The following DCHS2 variants were observed in gnomAD, a reference collection of about 807,000 sequenced individuals.
The protein encoded by DCHS2 is protocadherin-23.
Under a neutral mutation model 182.4 loss-of-function variants are expected in DCHS2, and 142 were observed. That is an observed-to-expected ratio of 0.78 (90% CI 0.68 to 0.89). The LOEUF is 0.89. DCHS2 is among the 40% of genes least tolerant of loss of function. DCHS2 has a pLI of 0.00. For synonymous variants in DCHS2, 1,740 were observed against 1,663.3 expected (o/e 1.05, Z -1.12); for missense variants, 4,319 against 4,198.6 (o/e 1.03, Z -0.79).
intron 2 of DCHS2, among the ~76,000 whole-genome samples, chr4:154,376,642 G>A (rs559611348): frequency 3.9e-5 from 6 of 152,226 alleles, no homozygotes; most frequent in Admixed American, 6.5e-5. Flanking sequence ...AGAAAATAAT[G>A]GTATGTGTCT....
intron 3 of DCHS2, among the ~76,000 whole-genome samples, chr4:154,339,964 C>T (rs923704998): frequency 1.3e-5 from 2 of 152,062 alleles, no homozygotes; most frequent in African/African-American, 2.4e-5. Flanking sequence ...TTATGGGAAG[C>T]TCACTTTTTA....
In DCHS2 at chr4:154,335,009, T is replaced by C. The variant is rs1728725026; in HGVS notation, c.2572A>G (p.Ile858Val). The change falls in exon 4 of 20, where the codon ATT becomes GTT. Residue 858 changes from isoleucine (I) to valine (V), a missense_variant. By Grantham distance (29) the Ile-to-Val change is conservative. Coordinates refer to ENST00000357232, the MANE Select transcript of DCHS2 (RefSeq NM_001358235.2). ...AQDGGGLTAVINADVTIHIFQ... is the reference protein window; with the variant it reads ...AQDGGGLTAVVNADVTIHIFQ... Reference sequence around the variant, plus strand: ...ATGTGTATGGTGACATCGGCATTAATGACAGCTGTGAGCCCACCACCGTCT... The same window carrying C: ...ATGTGTATGGTGACATCGGCATTAACGACAGCTGTGAGCCCACCACCGTCT... 2 of 1,614,170 alleles carry C rather than the reference T, an allele frequency of 1.2e-6. No individual in the cohort carries two copies. The highest frequency in any genetic ancestry group is 1.7e-6 in the Non-Finnish European group (2 of 1,180,010).
intron 3 of DCHS2, among the ~76,000 whole-genome samples, chr4:154,351,941 AT>A (rs1729636629): frequency 6.6e-6 from 1 of 152,066 alleles, no homozygotes; most frequent in African/African-American, 2.4e-5. Flanking sequence ...GCTTTTAGGC[AT>A]TTTGCTATTT....
chr4:154,367,112 C>T (rs373943556), intron 2 of DCHS2, among the ~76,000 whole-genome samples: 13 of 152,146 alleles, frequency 8.5e-5, no homozygotes, highest in East Asian at 1.9e-4. Context: ...CCTGCTCAGC[C>T]GCAGCAAGGA....
At chr4:154,267,719 C>A (rs1188587789) in intron 14 of DCHS2, among the ~76,000 whole-genome samples, 1 of 151,954 alleles carries the variant, frequency 6.6e-6, no homozygotes, top group Non-Finnish European at 1.5e-5. Context: ...CGAAGCCTAG[C>A]TTTACGGCAA....
intron 14 of DCHS2, 137 bp downstream of exon 14, chr4:154,269,763 C>A: frequency 3.3e-6 from 3 of 913,810 alleles, no homozygotes; most frequent in Non-Finnish European, 4.8e-6. Context: ...CATAATTTTT[C>A]ATAGGCTAGC....
chr4:154,403,426 T>C (rs1235027393), intron 1 of DCHS2, among the ~76,000 whole-genome samples: 1 of 152,170 alleles, frequency 6.6e-6, no homozygotes, highest in Non-Finnish European at 1.5e-5. Flanking sequence ...AATTTTTCTC[T>C]TTTTTTCTAG....
intron 1 of DCHS2, among the ~76,000 whole-genome samples, chr4:154,445,825 A>C (rs1237987288): frequency 1.4e-5 from 2 of 145,796 alleles, no homozygotes; most frequent in African/African-American, 5.0e-5. Context: ...AAAAAAAAAA[A>C]CGAAAGAAAG....
rs1430318971 is a variant in DCHS2, at chr4:154,259,589, C to A, written c.6745G>T (p.Ala2249Ser). The A allele has an allele frequency of 6.2e-7, 1 of 1,613,652 alleles. No homozygotes were observed. Among genetic ancestry groups the A allele is most frequent in the South Asian group, 1.1e-5 (1 of 91,060 alleles). The part of the protein sequence containing the change: ...SPCFEQSIYQ[A>S]SVSESQLYNA... The stretch of plus-strand genomic sequence containing the variant: ...TAGAGTTGGCTTTCAGACACTGATG[C>A]CTGGTAAATGCTTTGTTCAAAGCAT... Residue 2249 changes from alanine (A) to serine (S), a missense_variant, in exon 15 of 20, where the codon GCA becomes TCA. Transcript: ENST00000357232.
chr4:154,361,986 G>C (rs1730145944), intron 3 of DCHS2, among the ~76,000 whole-genome samples: 1 of 152,258 alleles, frequency 6.6e-6, no homozygotes, highest in South Asian at 2.1e-4. Context: ...AAATCTCTAA[G>C]AGAGAATTCT....
chr4:154,464,340 A>G (rs1215553500), intron 1 of DCHS2, among the ~76,000 whole-genome samples: 1 of 152,200 alleles, frequency 6.6e-6, no homozygotes, highest in Non-Finnish European at 1.5e-5. Context: ...TTGATTACAC[A>G]AGATTCCTGA....
intron 1 of DCHS2, among the ~76,000 whole-genome samples, chr4:154,397,480 A>G (rs1731979782): frequency 6.6e-6 from 1 of 152,190 alleles, no homozygotes; most frequent in Non-Finnish European, 1.5e-5. Context: ...ATTGCATCAT[A>G]TTAAATAAAA....
In DCHS2 at chr4:154,234,797, G is replaced by T; in HGVS notation, c.9855C>A (p.Ala3285=). 1 of 1,613,956 alleles carries T rather than the reference G, an allele frequency of 6.2e-7. No individual in the cohort carries two copies. Among genetic ancestry groups the T allele is most frequent in the Non-Finnish European group, 8.5e-7 (1 of 1,179,912 alleles). The change falls in exon 20 of 20, where the codon GCC becomes GCA. Residue 3285 remains alanine, a synonymous_variant. Coordinates refer to ENST00000357232, the MANE Select transcript of DCHS2 (RefSeq NM_001358235.2). The part of the protein sequence containing the change: ...VFPPPLITAV[A]QPGIKAVPPR... Reference sequence around the variant, plus strand: ...GTGGGACTGCTTTAATCCCAGGCTGGGCTACTGCTGTTATCAAAGGGGGTG... The same window carrying T: ...GTGGGACTGCTTTAATCCCAGGCTGTGCTACTGCTGTTATCAAAGGGGGTG...
intron 2 of DCHS2, among the ~76,000 whole-genome samples, chr4:154,372,038 G>A (rs927368167): frequency 2.6e-5 from 4 of 152,124 alleles, no homozygotes; most frequent in Non-Finnish European, 5.9e-5. Flanking sequence ...AGGAGAATAT[G>A]GATAATAATA....
chr4:154,285,389 CCAGCT>C (rs1263042455), intron 13 of DCHS2, among the ~76,000 whole-genome samples: 28 of 152,126 alleles, frequency 1.8e-4, no homozygotes, highest in Non-Finnish European at 8.8e-5. Context: ...AGTTTAGGTA[CCAGCT>C]CAGCCACAGT....
intron 1 of DCHS2, among the ~76,000 whole-genome samples, chr4:154,430,394 C>T (rs1180583474): frequency 6.6e-6 from 1 of 152,080 alleles, no homozygotes; most frequent in Non-Finnish European, 1.5e-5. Flanking sequence ...ATCAAAAATC[C>T]AAAAGCACTC....
rs1363909546 is a variant in DCHS2, at chr4:154,315,763, G to C, written c.5245C>G (p.Leu1749Val). 1 of 1,613,792 alleles carries C rather than the reference G, an allele frequency of 6.2e-7. No individual in the cohort carries two copies. The highest frequency in any genetic ancestry group is 2.2e-5 in the East Asian group (1 of 44,874). ...TCTAAATTACCTGAATCTCTGTCCA[G>C]AGCTTCAACCCTGGTAACAAACTCC... The part of the protein sequence containing the change: ...PGEFVTRVEA[L>V]DRDSGVNSKL... The change falls in exon 10 of 20, where the codon CTG (leucine) becomes GTG (valine). Residue 1749 changes from leucine to valine, a missense_variant. Coordinates refer to ENST00000357232, the MANE Select transcript of DCHS2 (RefSeq NM_001358235.2).
At chr4:154,406,555 T>C (rs942331520) in intron 1 of DCHS2, among the ~76,000 whole-genome samples, 2 of 152,240 alleles carry the variant, frequency 1.3e-5, no homozygotes, top group Non-Finnish European at 2.9e-5. Flanking sequence ...GTGCAAATGA[T>C]ATAGCTCTTA....
chr4:154,285,991 A>C (rs1053595727), intron 13 of DCHS2, among the ~76,000 whole-genome samples: 1 of 152,010 alleles, frequency 6.6e-6, no homozygotes, highest in Admixed American at 6.6e-5. Flanking sequence ...TTCTTGGGTC[A>C]CTCCTTCCAC....
Sources: allele counts gnomAD v4.1 joint callset (sites outside exome capture counted in the v4.1 genomes callset), GRCh38; gene constraint gnomAD v4.1.1; transcripts MANE v1.5; gene names NCBI Gene and HGNC (gene_info 2026-07-23, HGNC 2026-07-21).